SPECC1: variants seen among roughly 807,000 people sequenced by gnomAD.
SPECC1 encodes cytospin-B.
In SPECC1, 62 loss-of-function variants were observed where a neutral mutation model predicts 104.1. The ratio of observed to expected loss-of-function variants is 0.60; its 90% CI spans 0.49 to 0.74. SPECC1 has a LOEUF of 0.74. SPECC1 is among the 30% of genes least tolerant of loss of function. The pLI is 0.00. For synonymous variants in SPECC1, 513 were observed against 501.6 expected, an observed-to-expected ratio of 1.02 and a Z score of -0.30; for missense variants, 1,306 against 1,310.5, an observed-to-expected ratio of 1.00 and a Z score of 0.05.
intron 1 of SPECC1, among the ~76,000 whole-genome samples, chr17:20,048,009 T>TGTCC (rs2045603637): frequency 6.6e-6 from 1 of 152,168 alleles, no homozygotes; most frequent in South Asian, 2.1e-4. Flanking sequence ...TCTCCATTGG[T>TGTCC]GTCCTTGACT....
intron 7 of SPECC1, among the ~76,000 whole-genome samples, chr17:20,242,710 G>A (rs540073992): frequency 2.0e-5 from 3 of 152,242 alleles, no homozygotes; most frequent in South Asian, 2.1e-4. Flanking sequence ...TGAGAAATGC[G>A]TGGCCAGAGC....
At chr17:20,283,249 T>C (rs62066876) in intron 12 of SPECC1, among the ~76,000 whole-genome samples, 1 of 152,266 alleles carries the variant, frequency 6.6e-6, no homozygotes, top group Non-Finnish European at 1.5e-5. Context: ...GGAAAGGCAT[T>C]CCAAGGAATC....
intron 3 of SPECC1, among the ~76,000 whole-genome samples, chr17:20,166,688 C>T (rs944939387): frequency 2.0e-5 from 3 of 152,104 alleles, no homozygotes; most frequent in African/African-American, 4.8e-5. Flanking sequence ...TTTTTAAAAA[C>T]GGCAGACATT....
rs34323625 is a variant in SPECC1, at chr17:20,028,268, A to AT, written c.-22+18854dup. On this transcript the variant is annotated intron_variant, in intron 1 of 14. Transcript: ENST00000395527. The stretch of plus-strand genomic sequence containing the variant: ...TTAGTGTGATGGAGGGTCCAACTTC[A>AT]TTTTTTTTTTCATGTGACTATCTGA... 2.7e-5 allele frequency among the ~76,000 whole-genome samples: 4 copies of AT among 145,756 alleles called. No homozygotes were observed. In the South Asian group the frequency reaches 6.6e-4, roughly 24 times the overall value.
chr17:20,050,154 C>G (rs1052340289), intron 1 of SPECC1, among the ~76,000 whole-genome samples: 4 of 152,218 alleles, frequency 2.6e-5, no homozygotes, highest in Admixed American at 6.5e-5. Context: ...TCCTCACCAA[C>G]ATGGCACATG....
intron 14 of SPECC1, among the ~76,000 whole-genome samples, chr17:20,311,792 A>AT (rs2041941686): frequency 6.6e-6 from 1 of 151,588 alleles, no homozygotes; most frequent in South Asian, 2.1e-4. Context: ...TTTTTTATAC[A>AT]TATCCTTTGC....
intron 1 of SPECC1, among the ~76,000 whole-genome samples, chr17:20,092,211 A>G (rs1203527556): frequency 6.7e-6 from 1 of 149,974 alleles, no homozygotes; most frequent in African/African-American, 2.5e-5. Flanking sequence ...GACATCCCCC[A>G]CCCCACCATG....
chr17:20,207,289 G>T (rs1164785958), intron 4 of SPECC1, among the ~76,000 whole-genome samples: 1 of 152,204 alleles, frequency 6.6e-6, no homozygotes, highest in Non-Finnish European at 1.5e-5. Context: ...TGAGCTTAGT[G>T]GTGGGTCATG....
chr17:20,032,551 C>A (rs112762261), intron 1 of SPECC1, among the ~76,000 whole-genome samples: 2,953 of 152,040 alleles, frequency 0.019, 81 homozygotes, highest in African/African-American at 0.062. Flanking sequence ...TAGTGTTGAA[C>A]CTTCTCTAGT....
chr17:20,217,513 C>T (rs910409347), intron 4 of SPECC1, among the ~76,000 whole-genome samples: 4 of 152,060 alleles, frequency 2.6e-5, no homozygotes, highest in Admixed American at 6.5e-5. Flanking sequence ...TAGGCTGCCT[C>T]GTTACATCCT....
At chr17:20,073,197 G>A (rs895788899) in intron 1 of SPECC1, among the ~76,000 whole-genome samples, 1 of 152,124 alleles carries the variant, frequency 6.6e-6, no homozygotes, top group Non-Finnish European at 1.5e-5. Context: ...GTTGTAGCCC[G>A]ACTTCCCCTT....
At chr17:20,195,476 A>G (rs1383288883) in intron 3 of SPECC1, among the ~76,000 whole-genome samples, 1 of 152,222 alleles carries the variant, frequency 6.6e-6, no homozygotes, top group Non-Finnish European at 1.5e-5. Flanking sequence ...ACCATTTCAC[A>G]TTCGATTATG....
chr17:20,274,351 C>T (rs1433677991), intron 12 of SPECC1, among the ~76,000 whole-genome samples: 3 of 152,154 alleles, frequency 2.0e-5, no homozygotes, highest in African/African-American at 7.2e-5. Context: ...CGCCCTGGGC[C>T]TCAGCCAGGG....
At chr17:20,144,165 T>TTTTTC (rs1452690456) in intron 3 of SPECC1, among the ~76,000 whole-genome samples, 1 of 148,374 alleles carries the variant, frequency 6.7e-6, no homozygotes, top group African/African-American at 2.5e-5. Context: ...TAATACTGTT[T>TTTTTC]TTTTCTTTTC....
At chr17:20,030,295 T>C (rs1022080232) in intron 1 of SPECC1, among the ~76,000 whole-genome samples, 6 of 152,174 alleles carry the variant, frequency 3.9e-5, no homozygotes, top group Non-Finnish European at 8.8e-5. Flanking sequence ...TAATTCTAGT[T>C]AGATACCAAA....
chr17:20,243,157 A>G (rs1440509936), intron 7 of SPECC1, among the ~76,000 whole-genome samples: 1 of 152,180 alleles, frequency 6.6e-6, no homozygotes, highest in African/African-American at 2.4e-5. Flanking sequence ...GGTTTATTTG[A>G]CTACATGTGT....
At chr17:20,108,296 G>T (rs946840658) in intron 2 of SPECC1, among the ~76,000 whole-genome samples, 1 of 149,680 alleles carries the variant, frequency 6.7e-6, no homozygotes, top group Non-Finnish European at 1.5e-5. Flanking sequence ...TGCCTAAATT[G>T]CAAACTTCCT....
rs143949178 is a variant in SPECC1 at position 20,158,791 on chromosome 17, G to C, written c.284-45542G>C. Among the ~76,000 whole-genome samples the C allele has an allele frequency of 3.9e-4, 59 of 152,260 alleles. No homozygotes were observed. In the East Asian group the frequency reaches 0.01, roughly 26 times the overall value. On this transcript the variant is annotated intron_variant, in intron 3 of 14. Transcript: ENST00000395527. ...TGTTTTGTTTTTTGAGACAAGGTCT[G>C]ACTGTCACCTGGGGTGGAGTGCAGT...
chr17:20,051,076 CTTTCTTTCTTTCTT>C (rs1177378268), intron 1 of SPECC1, among the ~76,000 whole-genome samples: 1 of 57,122 alleles, frequency 1.8e-5, no homozygotes, highest in Non-Finnish European at 3.4e-5. Context: ...CTTTTTCTTT[CTTTCTTTCTTTCTT>C]TCTTTCTTTC....
Sources: gnomAD v4.1 joint callset for allele counts (sites outside exome capture counted in the v4.1 genomes callset) on GRCh38, gnomAD v4.1.1 for gene constraint, MANE v1.5 for transcripts, NCBI Gene and HGNC (gene_info 2026-07-23, HGNC 2026-07-21) for gene names.